CENPF: variants seen among roughly 807,000 people sequenced by gnomAD.
The protein encoded by CENPF is AH antigen.
In CENPF, 214 loss-of-function variants were observed where a neutral mutation model predicts 307.3. The observed-to-expected ratio is 0.70, with a 90% CI of 0.62 to 0.78. The LOEUF (loss-of-function observed/expected upper bound fraction) is 0.78, where lower values mean the gene tolerates loss of function less well. Among genes scored for constraint, CENPF ranks in the 30% least tolerant of loss-of-function variants. The probability of loss-of-function intolerance (pLI) is 0.00; values close to 1 mark genes in which losing one functional copy is unlikely to be tolerated. For synonymous variants in CENPF, 1,259 were observed against 1,270.6 expected (o/e 0.99, Z 0.19); for missense variants, 3,401 against 3,483.9 (o/e 0.98, Z 0.60).
At position 214,646,201 on chromosome 1, in the gene CENPF, G is replaced by A; in HGVS notation, c.6631G>A (p.Glu2211Lys). 6.2e-7 allele frequency: 1 copy of A among 1,613,222 alleles called. No homozygotes were observed. Among genetic ancestry groups the A allele is most frequent in the East Asian group, 2.2e-5 (1 of 44,868 alleles). Reference sequence around the variant, plus strand: ...ATTAGACCTTGTCACGTTAAGGTCTGAAAAAGAAAATCTGACAAAACAAAT... The same window carrying A: ...ATTAGACCTTGTCACGTTAAGGTCTAAAAAAGAAAATCTGACAAAACAAAT... ...FELDLVTLRS[E>K]KENLTKQIQE... Residue 2211 changes from glutamate (E) to lysine (K), a missense_variant, in exon 13 of 20, where the codon GAA becomes AAA. Transcript: ENST00000366955.
Position 214,620,903 on chromosome 1 carries a change from T to C in CENPF, c.822T>C (p.Ser274=). The C allele has an allele frequency of 6.2e-7, 1 of 1,613,666 alleles. No individual in the cohort carries two copies. Among genetic ancestry groups the C allele is most frequent in the Non-Finnish European group, 8.5e-7 (1 of 1,179,814 alleles). The change falls in exon 6 of 20, where the codon TCT becomes TCC. Residue 274 remains serine (S), a synonymous_variant. Coordinates refer to ENST00000366955, the MANE Select transcript of CENPF (RefSeq NM_016343.4). The stretch of plus-strand genomic sequence containing the variant: ...CTAATAGCAGTTTCTTTGACAATTC[T>C]AGCAGTCCTCATCTTTTGGATCAAT... The part of the protein sequence containing the change: ...RDANSSFFDN[S]SSPHLLDQLK...
rs1169464000 is a variant in CENPF, at chr1:214,645,966, A to G, written c.6396A>G (p.Glu2132=). The part of the protein sequence containing the change: ...EKLRVRIEAD[E]KKQLHIAEKL... ...TGAGAGTTCGCATTGAGGCCGATGA[A>G]AAGAAGCAGCTGCACATCGCAGAGA... The change falls in exon 13 of 20, where the codon GAA becomes GAG. Residue 2132 remains glutamate, a synonymous_variant. Transcript: ENST00000366955. 6.2e-7 allele frequency: 1 copy of G among 1,614,054 alleles called. No individual in the cohort carries two copies. The highest frequency in any genetic ancestry group is 8.5e-7 in the Non-Finnish European group (1 of 1,180,038).
chr1:214,661,316 A>G (rs1488469824), intron 19 of CENPF, among the ~76,000 whole-genome samples: 1 of 152,200 alleles, frequency 6.6e-6, no homozygotes, highest in African/African-American at 2.4e-5. Flanking sequence ...CTAGCCCAGT[A>G]ATTTTTAATT....
rs145854163 is a variant in CENPF, at chr1:214,641,962, G to T, written c.3624G>T (p.Ala1208=). Reference sequence around the variant, plus strand: ...AAATTTCTCTAGATAGTTATAATGCGCAGTTGGTGCAATTAGAAGCTATGC... The same window carrying T: ...AAATTTCTCTAGATAGTTATAATGCTCAGTTGGTGCAATTAGAAGCTATGC... ...VKEISLDSYN[A]QLVQLEAMLR... Residue 1208 remains alanine (A), a synonymous_variant, in exon 12 of 20, where the codon GCG becomes GCT. Coordinates refer to ENST00000366955, the MANE Select transcript of CENPF (RefSeq NM_016343.4). The T allele has an allele frequency of 5.0e-6, 8 of 1,600,100 alleles. No individual in the cohort carries two copies. Among genetic ancestry groups the T allele is most frequent in the Admixed American group, 1.8e-5 (1 of 56,392 alleles).
chr1:214,627,769 CTT>C (rs1325507595), intron 7 of CENPF, among the ~76,000 whole-genome samples: 1 of 152,146 alleles, frequency 6.6e-6, no homozygotes, highest in African/African-American at 2.4e-5. Context: ...TCAGTCTACT[CTT>C]TTCTGTCTTG....
intron 2 of CENPF, 149 bp from the exon 3 acceptor site, chr1:214,614,683 G>T: frequency 2.0e-6 from 1 of 501,482 alleles, no homozygotes; most frequent in Non-Finnish European, 3.5e-6. Flanking sequence ...TGGCTTCAAA[G>T]TGTGATCATC....
intron 14 of CENPF, 146 bp from the exon 15 acceptor site, chr1:214,651,564 G>A (rs1174896937): frequency 1.2e-5 from 6 of 515,736 alleles, no homozygotes; most frequent in Non-Finnish European, 2.0e-5. Flanking sequence ...TGAATACATT[G>A]CTAAGGATTA....
Position 214,614,961 on chromosome 1 carries a change from A to T in CENPF, c.292A>T (p.Asn98Tyr), listed in dbSNP as rs146920776. The T allele has an allele frequency of 6.8e-6, 11 of 1,610,886 alleles. No individual in the cohort carries two copies. The East Asian group carries it at 2.5e-4, about 36-fold the overall frequency. ...HELQVKESQVNFQEGQLNSGK... is the reference protein window; with the variant it reads ...HELQVKESQVYFQEGQLNSGK... ...ACTTCAAGTCAAGGAGTCACAAGTG[A>T]ATTTCCAGGAAGGACAACTGAATTC... The change falls in exon 3 of 20, where the codon AAT becomes TAT. Residue 98 changes from asparagine to tyrosine, a missense_variant. Physicochemically the swap from Asn to Tyr is moderately radical, Grantham distance 143. Transcript: ENST00000366955.
intron 7 of CENPF, among the ~76,000 whole-genome samples, chr1:214,627,349 G>A (rs984098912): frequency 1.4e-5 from 2 of 145,104 alleles, no homozygotes; most frequent in African/African-American, 5.1e-5. Flanking sequence ...GTGAGACATC[G>A]CACCCAACCC....
intron 15 of CENPF, among the ~76,000 whole-genome samples, chr1:214,652,107 C>T (rs1165308587): frequency 1.4e-4 from 19 of 136,136 alleles, no homozygotes; most frequent in South Asian, 9.0e-4. Flanking sequence ...CTCTCTCTGT[C>T]GCACTGCAAG....
In CENPF at chr1:214,657,739, A is replaced by G. The variant is rs75606191; in HGVS notation, c.8962+330A>G. On this transcript the variant is annotated intron_variant, in intron 18 of 19. Coordinates refer to ENST00000366955, the MANE Select transcript of CENPF (RefSeq NM_016343.4). ...CCCGTTGGTCATGTCTGACCTAGCTAGCAGGTGAGCTGGAGGGTGCACCCT... is the reference window on the plus strand; with the variant it reads ...CCCGTTGGTCATGTCTGACCTAGCTGGCAGGTGAGCTGGAGGGTGCACCCT... Among the ~76,000 whole-genome samples, 3,082 of 152,298 alleles carry G rather than the reference A, an allele frequency of 0.02. 54 individuals are homozygous for G. The highest frequency in any genetic ancestry group is 0.042 in the South Asian group (205 of 4,824).
intron 10 of CENPF, among the ~76,000 whole-genome samples, chr1:214,634,841 C>T (rs775009439): frequency 1.2e-4 from 18 of 152,126 alleles, no homozygotes; most frequent in African/African-American, 2.2e-4. Context: ...AAATTTAGGA[C>T]GCTTATAGGT....
At position 214,630,574 on chromosome 1, in the gene CENPF, A is replaced by G; in HGVS notation, c.1235A>G (p.Gln412Arg). ...RQQRSFQTLD[Q>R]ECIQMKARLT... ...CAGCGTTCTTTCCAAACACTGGACCAGGAGTGCATCCAGATGAAGGCCAGA... is the reference window on the plus strand; with the variant it reads ...CAGCGTTCTTTCCAAACACTGGACCGGGAGTGCATCCAGATGAAGGCCAGA... Residue 412 changes from glutamine to arginine, a missense_variant, in exon 9 of 20, where the codon CAG becomes CGG. Transcript: ENST00000366955. The G allele has an allele frequency of 6.2e-7, 1 of 1,614,180 alleles. No homozygotes were observed.
chr1:214,644,979 A>G lies in CENPF; in HGVS notation c.5409A>G (p.Glu1803=), dbSNP rs762547802. The G allele has an allele frequency of 6.2e-7, 1 of 1,613,034 alleles. No individual in the cohort carries two copies. The highest frequency in any genetic ancestry group is 1.1e-5 in the South Asian group (1 of 90,886). Residue 1803 remains glutamate (E), a synonymous_variant, in exon 13 of 20, where the codon GAA becomes GAG. Coordinates refer to ENST00000366955, the MANE Select transcript of CENPF (RefSeq NM_016343.4). ...RDRKVESLLN[E]MKELDSKLHL... ...GAAAAGTTGAAAGTTTGCTAAATGAAATGAAAGAATTAGACTCAAAACTCC... is the reference window on the plus strand; with the variant it reads ...GAAAAGTTGAAAGTTTGCTAAATGAGATGAAAGAATTAGACTCAAAACTCC...
intron 5 of CENPF, among the ~76,000 whole-genome samples, 199 bp downstream of exon 5, chr1:214,619,419 G>A (rs1310306696): frequency 6.6e-6 from 1 of 152,056 alleles, no homozygotes; most frequent in African/African-American, 2.4e-5. Flanking sequence ...AAATAGAGTG[G>A]GGAGGTTAGT....
rs1047394167 is a variant in CENPF at position 214,644,406 on chromosome 1, A to G, written c.4987-151A>G. On this transcript the variant is annotated intron_variant, in intron 12 of 19. Transcript: ENST00000366955. ...ATAAGTATGTTGAACATTTGAATGA[A>G]GAGAGAAAGATGTAGTGGGAAATTC... The G allele has an allele frequency of 8.5e-6, 6 of 702,042 alleles. No individual in the cohort carries two copies. In the Admixed American group the frequency reaches 9.9e-5, roughly 12 times the overall value. 43.5% of individuals were successfully genotyped at this position (702,042 alleles called of 1,614,324 possible).
intron 19 of CENPF, among the ~76,000 whole-genome samples, chr1:214,662,363 G>A (rs1658808749): frequency 6.6e-6 from 1 of 151,980 alleles, no homozygotes; most frequent in Admixed American, 6.6e-5. Flanking sequence ...TCTTTTCAGT[G>A]TCCTGGACAC....
At position 214,645,707 on chromosome 1, in the gene CENPF, C is replaced by T. The variant is rs887222018; in HGVS notation, c.6137C>T (p.Ala2046Val). 1 of 1,614,158 alleles carries T rather than the reference C, an allele frequency of 6.2e-7. No individual in the cohort carries two copies. Among genetic ancestry groups the T allele is most frequent in the Admixed American group, 1.7e-5 (1 of 60,028 alleles). Reference protein sequence around the residue: ...KLQSLEKDSQALSLTKCELEN... With the variant: ...KLQSLEKDSQVLSLTKCELEN... ...CAGAGTTTGGAAAAGGACTCACAGG[C>T]ACTGTCTTTGACAAAATGTGAGCTG... Residue 2046 changes from alanine (A) to valine (V), a missense_variant, in exon 13 of 20, where the codon GCA (alanine) becomes GTA (valine). By Grantham distance (64) the Ala-to-Val change is moderately conservative (BLOSUM62 0). Transcript: ENST00000366955.
chr1:214,663,998 G>T lies in CENPF; in HGVS notation c.*204G>T, dbSNP rs909259696. ...GAAGCACTGATCACCTGTTAGCATT[G>T]CCATTCCTCTACTGCAATGTAAATA... On this transcript the variant is annotated 3_prime_UTR_variant, in exon 20 of 20. Coordinates refer to ENST00000366955, the MANE Select transcript of CENPF (RefSeq NM_016343.4). 5.4e-6 allele frequency: 3 copies of T among 553,912 alleles called. No homozygotes were observed. The African/African-American group carries it at 5.6e-5, about 10-fold the overall frequency. The allele number at this position is 553,912 out of a possible 1,614,324, so 34.3% of individuals were successfully genotyped here.
Sources: allele counts gnomAD v4.1 joint callset (sites outside exome capture counted in the v4.1 genomes callset), GRCh38; gene constraint gnomAD v4.1.1; transcripts MANE v1.5; gene names NCBI Gene and HGNC (gene_info 2026-07-23, HGNC 2026-07-21).